Variants in OMA1 observed in about 807,000 individuals in gnomAD.
The protein encoded by OMA1 is OMA1 zinc metallopeptidase, also known as metalloendopeptidase OMA1, mitochondrial.
OMA1 carries 38 observed loss-of-function variants against 30.9 expected under a neutral mutation model. That is an observed-to-expected ratio of 1.23 (90% CI 0.95 to 1.61). The LOEUF (loss-of-function observed/expected upper bound fraction) is 1.61, where lower values mean the gene tolerates loss of function less well. Among genes scored for constraint, OMA1 ranks in the 40% most tolerant of loss-of-function variants. The probability of loss-of-function intolerance (pLI) is 0.00; values close to 1 mark genes in which losing one functional copy is unlikely to be tolerated. For synonymous variants in OMA1, 173 were observed against 121.9 expected (o/e 1.42, Z -2.76); for missense variants, 461 against 349.2 (o/e 1.32, Z -2.55).
intron 7 of OMA1, among the ~76,000 whole-genome samples, chr1:58,522,735 A>T (rs918525337): frequency 7.9e-5 from 12 of 152,222 alleles, no homozygotes; most frequent in Non-Finnish European, 4.4e-5. Flanking sequence ...TTTGTATGTT[A>T]TATGTATTAT....
intron 7 of OMA1, among the ~76,000 whole-genome samples, chr1:58,508,431 G>A (rs2100421496): frequency 6.6e-6 from 1 of 152,268 alleles, no homozygotes; most frequent in Non-Finnish European, 1.5e-5. Context: ...GAGAAATCCT[G>A]AAACTAGGTG....
intron 8 of OMA1, among the ~76,000 whole-genome samples, chr1:58,496,158 A>T (rs1441609593): frequency 6.7e-6 from 1 of 150,358 alleles, no homozygotes; most frequent in Non-Finnish European, 1.5e-5. Flanking sequence ...ATATTCTTTC[A>T]TTTTTTTAGA....
intron 1 of OMA1, among the ~76,000 whole-genome samples, chr1:58,542,989 T>TA (rs1366118230): frequency 2.7e-5 from 4 of 149,108 alleles, no homozygotes; most frequent in Non-Finnish European, 6.0e-5. Flanking sequence ...AAAAGCTTTT[T>TA]TAAAAAAAAA....
intron 8 of OMA1, among the ~76,000 whole-genome samples, chr1:58,488,470 A>T (rs1442805131): frequency 6.6e-6 from 1 of 151,928 alleles, no homozygotes; most frequent in Admixed American, 6.5e-5. Flanking sequence ...TTTTTTTTTG[A>T]GACAGAGTTT....
At chr1:58,518,230 G>GGGAGAGAGGAGAGGGGAGAC (rs1553123865) in intron 7 of OMA1, among the ~76,000 whole-genome samples, 1 of 6,662 alleles carries the variant, frequency 1.5e-4, no homozygotes, top group African/African-American at 6.0e-4. Flanking sequence ...AGAGGGGAGA[G>GGGAGAGAGGAGAGGGGAGAC]GGGAGAGGGG....
At chr1:58,493,603 A>G (rs1167841481) in intron 8 of OMA1, among the ~76,000 whole-genome samples, 1 of 151,604 alleles carries the variant, frequency 6.6e-6, no homozygotes, top group Non-Finnish European at 1.5e-5. Context: ...AAAAATCACA[A>G]GCATTCTTAT....
At chr1:58,488,679 C>T (rs1262128022) in intron 8 of OMA1, among the ~76,000 whole-genome samples, 4 of 152,052 alleles carry the variant, frequency 2.6e-5, no homozygotes, top group Non-Finnish European at 4.4e-5. Context: ...CTTGAACTCC[C>T]GACCTCAGGT....
chr1:58,534,124 A>C lies in OMA1; in HGVS notation c.903+34T>G, dbSNP rs774299098. ...CATAAAAAATAAGGACAATAAATTTAACAATTACAATGCGTTTGAGAACAT... is the reference window on the plus strand; with the variant it reads ...CATAAAAAATAAGGACAATAAATTTCACAATTACAATGCGTTTGAGAACAT... On this transcript the variant is annotated intron_variant, in intron 4 of 8. Transcript: ENST00000371226. 8.1e-6 allele frequency: 7 copies of C among 867,230 alleles called. 1 individual carries two copies. The highest frequency in any genetic ancestry group is 4.3e-4 in the Middle Eastern group (2 of 4,598). 53.7% of individuals were successfully genotyped at this position (867,230 alleles called of 1,614,324 possible).
intron 7 of OMA1, among the ~76,000 whole-genome samples, chr1:58,519,346 T>A (rs1332872261): frequency 6.6e-6 from 1 of 152,144 alleles, no homozygotes; most frequent in Non-Finnish European, 1.5e-5. Flanking sequence ...ATGGGGTACA[T>A]CCAACAGCCA....
At chr1:58,484,525 T>G (rs1262868206) in intron 8 of OMA1, among the ~76,000 whole-genome samples, 4 of 152,116 alleles carry the variant, frequency 2.6e-5, no homozygotes, top group African/African-American at 9.7e-5. Context: ...ATTTCAAACC[T>G]CAGAATCCTT....
chr1:58,517,503 TAA>T (rs1439672347), intron 7 of OMA1, among the ~76,000 whole-genome samples: 2 of 152,258 alleles, frequency 1.3e-5, no homozygotes, highest in African/African-American at 4.8e-5. Context: ...ATCCCAAGAC[TAA>T]GTTTTCCTAT....
At position 58,533,305 on chromosome 1, in the gene OMA1, G is replaced by A. The variant is rs539237988; in HGVS notation, c.1011+648C>T. ...CTGGACTAACATACAGAAGACCCAC[G>A]TTAAAGTCCCAGTTCGGTTACTTTG... On this transcript the variant is annotated intron_variant, in intron 5 of 8. Transcript: ENST00000371226. Among the ~76,000 whole-genome samples, 10 of 152,260 alleles carry A rather than the reference G, an allele frequency of 6.6e-5. No individual in the cohort carries two copies. The South Asian group carries it at 1.5e-3, about 22-fold the overall frequency.
At chr1:58,490,748 C>G (rs530846608) in intron 8 of OMA1, among the ~76,000 whole-genome samples, 1 of 146,528 alleles carries the variant, frequency 6.8e-6, no homozygotes, top group East Asian at 2.0e-4. Flanking sequence ...GATCTCTCAG[C>G]AGAAACTCTA....
chr1:58,532,522 A>AT (rs1557456291), intron 5 of OMA1, among the ~76,000 whole-genome samples: 3 of 151,932 alleles, frequency 2.0e-5, no homozygotes, highest in Non-Finnish European at 4.4e-5. Context: ...AGAAAAAAAG[A>AT]TTTTTTTTCT....
At chr1:58,519,833 T>C (rs1241738524) in intron 7 of OMA1, among the ~76,000 whole-genome samples, 1 of 152,144 alleles carries the variant, frequency 6.6e-6, no homozygotes, top group African/African-American at 2.4e-5. Flanking sequence ...GTGAAATTTA[T>C]AAAAGAGCAT....
chr1:58,540,971 A>C (rs1479270356), intron 1 of OMA1, among the ~76,000 whole-genome samples: 1 of 152,146 alleles, frequency 6.6e-6, no homozygotes, highest in African/African-American at 2.4e-5. Flanking sequence ...TGAAAGATAA[A>C]ATCTTAAACT....
At chr1:58,534,787 T>C (rs1646491301) in intron 3 of OMA1, among the ~76,000 whole-genome samples, 1 of 152,044 alleles carries the variant, frequency 6.6e-6, no homozygotes. Flanking sequence ...ACACAAAAAA[T>C]TAGCCAGGCG....
intron 8 of OMA1, among the ~76,000 whole-genome samples, chr1:58,491,358 C>A (rs908177934): frequency 4.0e-4 from 61 of 152,200 alleles, no homozygotes; most frequent in Admixed American, 1.2e-3. Context: ...TGCATCAACT[C>A]ACGAGCAAAA....
Position 58,480,996 on chromosome 1 carries a change from G to A in OMA1, c.1544C>T (p.Thr515Ile), listed in dbSNP as rs777988432. 1.1e-5 allele frequency: 10 copies of A among 869,968 alleles called. No homozygotes were observed. The highest frequency in any genetic ancestry group is 5.1e-5 in the Admixed American group (3 of 58,972). The allele number at this position is 869,968 out of a possible 1,614,324, so 53.9% of individuals were successfully genotyped here. The change falls in exon 9 of 9, where the codon ACA becomes ATA. Residue 515 changes from threonine (T) to isoleucine (I), a missense_variant. Physicochemically the swap from Thr to Ile is moderately conservative, Grantham distance 89. Transcript: ENST00000371226. ...PIQKQEQIPL[T>I]YIVEKRTGS ...GCCCGTTCTTTTCTCAACTATGTATGTTAATGGTATTTGCTCCTGTTTTTG... is the reference window on the plus strand; with the variant it reads ...GCCCGTTCTTTTCTCAACTATGTATATTAATGGTATTTGCTCCTGTTTTTG...
Sources: allele counts gnomAD v4.1 joint callset (sites outside exome capture counted in the v4.1 genomes callset), GRCh38; gene constraint gnomAD v4.1.1; transcripts MANE v1.5; gene names NCBI Gene and HGNC (gene_info 2026-07-23, HGNC 2026-07-21).